The following FANCC variants were observed in gnomAD, a reference collection of about 807,000 sequenced individuals.
FANCC encodes the protein FA complementation group C.
Under a neutral mutation model 71.3 loss-of-function variants are expected in FANCC, and 55 were observed. The ratio of observed to expected loss-of-function variants is 0.77; its 90% CI spans 0.62 to 0.97. The LOEUF (loss-of-function observed/expected upper bound fraction) is 0.97. FANCC is among the 50% of genes least tolerant of loss of function. The pLI is 0.00. For missense variants in FANCC, 678 were observed against 670.9 expected, an observed-to-expected ratio of 1.01 and a Z score of -0.12; for synonymous variants, 275 against 244.9, an observed-to-expected ratio of 1.12 and a Z score of -1.15.
At chr9:95,180,780 A>G (rs1200956023) in intron 4 of FANCC, among the ~76,000 whole-genome samples, 6 of 152,072 alleles carry the variant, frequency 3.9e-5, no homozygotes, top group African/African-American at 1.4e-4. Context: ...ATCCTTTTCT[A>G]TGACTAGCAG....
chr9:95,253,595 G>A lies in FANCC; in HGVS notation c.-78-4226C>T, dbSNP rs115164711. Among the ~76,000 whole-genome samples, 522 of 152,228 alleles carry A rather than the reference G, an allele frequency of 3.4e-3. 5 individuals are homozygous for A. The highest frequency in any genetic ancestry group is 0.012 in the African/African-American group (480 of 41,536). On this transcript the variant is annotated intron_variant, in intron 1 of 14. Transcript: ENST00000289081. ...AATAAGAAAGCTTCCTGTATTAGTG[G>A]TATGGTGTCTGACATTAACTTGGAA...
At chr9:95,129,474 C>T (rs990211483) in intron 8 of FANCC, among the ~76,000 whole-genome samples, 1 of 152,220 alleles carries the variant, frequency 6.6e-6, no homozygotes, top group Non-Finnish European at 1.5e-5. Flanking sequence ...GGCATCTAAC[C>T]TCTGATCCTG....
intron 13 of FANCC, among the ~76,000 whole-genome samples, chr9:95,109,989 G>A (rs1177197682): frequency 6.6e-6 from 1 of 152,146 alleles, no homozygotes; most frequent in Admixed American, 6.5e-5. Context: ...GCAAGGAAGG[G>A]GCTCTGGAGT....
chr9:95,142,702 G>T (rs1828945330), intron 7 of FANCC, among the ~76,000 whole-genome samples: 1 of 152,138 alleles, frequency 6.6e-6, no homozygotes, highest in African/African-American at 2.4e-5. Context: ...TTAACTCTCA[G>T]AAGTGGCATG....
At chr9:95,209,406 G>A (rs1828353960) in intron 4 of FANCC, among the ~76,000 whole-genome samples, 1 of 152,170 alleles carries the variant, frequency 6.6e-6, no homozygotes, top group Non-Finnish European at 1.5e-5. Flanking sequence ...GTCAGGACAG[G>A]TTCATCAGTT....
At chr9:95,108,184 A>T (rs1398126257) in intron 13 of FANCC, among the ~76,000 whole-genome samples, 1 of 152,188 alleles carries the variant, frequency 6.6e-6, no homozygotes, top group Non-Finnish European at 1.5e-5. Context: ...GAAGTCTGTC[A>T]TAAACTCCAG....
intron 1 of FANCC, among the ~76,000 whole-genome samples, chr9:95,305,994 A>G (rs1452715883): frequency 6.6e-6 from 1 of 152,216 alleles, no homozygotes; most frequent in African/African-American, 2.4e-5. Flanking sequence ...ACTGATGTTT[A>G]CAACTGTAAT....
At chr9:95,192,085 T>C (rs1241603081) in intron 4 of FANCC, among the ~76,000 whole-genome samples, 1 of 152,212 alleles carries the variant, frequency 6.6e-6, no homozygotes, top group African/African-American at 2.4e-5. Flanking sequence ...TATTTCCTTT[T>C]TAAGAATGAA....
At chr9:95,143,302 A>C (rs188232839) in intron 7 of FANCC, among the ~76,000 whole-genome samples, 180 of 152,210 alleles carry the variant, frequency 1.2e-3, no homozygotes, top group Non-Finnish European at 1.6e-3. Flanking sequence ...TTTGAACCCC[A>C]CAGTTTAGGT....
intron 7 of FANCC, among the ~76,000 whole-genome samples, chr9:95,137,400 T>C (rs1827861077): frequency 6.6e-6 from 1 of 151,918 alleles, no homozygotes; most frequent in South Asian, 2.1e-4. Context: ...GGAGGGTACA[T>C]TCACCTCAGA....
chr9:95,157,657 A>G (rs1830522361), intron 6 of FANCC, among the ~76,000 whole-genome samples: 1 of 152,168 alleles, frequency 6.6e-6, no homozygotes, highest in Admixed American at 6.5e-5. Flanking sequence ...GTGTAATTCA[A>G]TCTGGAAAGT....
intron 9 of FANCC, 82 bp from the exon 10 acceptor site, chr9:95,125,267 TA>T: frequency 3.6e-6 from 4 of 1,110,784 alleles, no homozygotes; most frequent in Non-Finnish European, 5.5e-6. Flanking sequence ...AAGGGAAAAG[TA>T]GAAACACTTT....
At chr9:95,219,963 G>C (rs1466501263) in intron 4 of FANCC, among the ~76,000 whole-genome samples, 4 of 152,026 alleles carry the variant, frequency 2.6e-5, no homozygotes, top group Admixed American at 6.6e-5. Context: ...TTGCAATCTA[G>C]CCATCTGACA....
At chr9:95,239,701 C>T (rs1830523705) in intron 4 of FANCC, among the ~76,000 whole-genome samples, 1 of 152,150 alleles carries the variant, frequency 6.6e-6, no homozygotes, top group South Asian at 2.1e-4. Context: ...CCTTCCATTG[C>T]CCAATCCCTC....
At chr9:95,186,630 G>A (rs1296696782) in intron 4 of FANCC, 1 of 152,190 alleles carries the variant, frequency 6.6e-6, no homozygotes, top group Non-Finnish European at 1.5e-5. Flanking sequence ...CAGAGTAAGA[G>A]TCAGTATAAT....
chr9:95,293,802 G>A, intron 1 of FANCC: 1 of 1,613,836 alleles, frequency 6.2e-7, no homozygotes, highest in Non-Finnish European at 8.5e-7. Flanking sequence ...CCAGTCGGGT[G>A]GGGTCTCCTG....
chr9:95,115,934 A>T (rs1341455507), intron 11 of FANCC, among the ~76,000 whole-genome samples: 2 of 152,250 alleles, frequency 1.3e-5, no homozygotes, highest in East Asian at 3.8e-4. Context: ...TCTGATAAAC[A>T]GAAGATCATG....
chr9:95,208,777 T>A (rs893408246), intron 4 of FANCC, among the ~76,000 whole-genome samples: 1 of 152,202 alleles, frequency 6.6e-6, no homozygotes, highest in African/African-American at 2.4e-5. Context: ...GGAACTCTCA[T>A]CCGCTGCTGA....
intron 1 of FANCC, among the ~76,000 whole-genome samples, chr9:95,303,144 G>A (rs909838217): frequency 2.3e-4 from 35 of 152,326 alleles, no homozygotes; most frequent in African/African-American, 7.9e-4. Flanking sequence ...TACTGCAGGC[G>A]CCAGCTGCAT....
Sources: gnomAD v4.1 joint callset for allele counts (sites outside exome capture counted in the v4.1 genomes callset) on GRCh38, gnomAD v4.1.1 for gene constraint, MANE v1.5 for transcripts, NCBI Gene and HGNC (gene_info 2026-07-23, HGNC 2026-07-21) for gene names.